The following LAMB1 variants were observed in gnomAD, a reference collection of about 807,000 sequenced individuals.
LAMB1 encodes laminin subunit beta 1.
LAMB1 carries 121 observed loss-of-function variants against 222.3 expected under a neutral mutation model. The ratio of observed to expected loss-of-function variants is 0.54; its 90% confidence interval spans 0.47 to 0.63. The LOEUF is 0.63. Among genes scored for constraint, LAMB1 ranks in the 30% least tolerant of loss-of-function variants. The pLI is 0.00. For synonymous variants in LAMB1, 794 were observed against 807.2 expected, an observed-to-expected ratio of 0.98 and a Z score of 0.28; for missense variants, 2,172 against 2,240.8, an observed-to-expected ratio of 0.97 and a Z score of 0.62.
At chr7:107,964,055 C>A (rs912036576) in intron 14 of LAMB1, among the ~76,000 whole-genome samples, 2 of 152,192 alleles carry the variant, frequency 1.3e-5, no homozygotes, top group African/African-American at 4.8e-5. Flanking sequence ...TGAGATAGTG[C>A]CACTGCACTC....
intron 8 of LAMB1, 85 bp from the exon 9 acceptor site, chr7:107,978,252 C>T: frequency 6.8e-7 from 1 of 1,465,534 alleles, no homozygotes; most frequent in Non-Finnish European, 9.4e-7. Context: ...AAGTTTAAAA[C>T]CCTTTTTCAT....
intron 13 of LAMB1, among the ~76,000 whole-genome samples, chr7:107,970,525 C>CTT (rs2033727981): frequency 6.8e-6 from 1 of 147,768 alleles, no homozygotes; most frequent in Non-Finnish European, 1.5e-5. Flanking sequence ...GGGCTTCAAG[C>CTT]CAGATATGAA....
intron 32 of LAMB1, among the ~76,000 whole-genome samples, chr7:107,924,713 A>G (rs1198102153): frequency 6.6e-6 from 1 of 152,210 alleles, no homozygotes; most frequent in Non-Finnish European, 1.5e-5. Context: ...TCAAAAGTAG[A>G]TTAGACATTA....
At chr7:107,972,855 T>C (rs138172862) in intron 13 of LAMB1, 137 bp downstream of exon 13, 34 of 692,572 alleles carry the variant, frequency 4.9e-5, no homozygotes, top group Non-Finnish European at 7.7e-5. Flanking sequence ...TCCATAGAGG[T>C]ACCTACACAC....
At chr7:107,965,439 C>T (rs190389737) in intron 13 of LAMB1, among the ~76,000 whole-genome samples, 2 of 152,100 alleles carry the variant, frequency 1.3e-5, no homozygotes, top group Admixed American at 6.5e-5. Context: ...ATTAGCTGGG[C>T]GTGGTGGCGC....
At chr7:107,989,894 A>G (rs2034147791) in intron 5 of LAMB1, among the ~76,000 whole-genome samples, 1 of 152,336 alleles carries the variant, frequency 6.6e-6, no homozygotes, top group Admixed American at 6.5e-5. Context: ...GCTGGAAACC[A>G]GAACAACACA....
chr7:107,936,379 A>C (rs1033403391), intron 26 of LAMB1: 1 of 152,112 alleles, frequency 6.6e-6, no homozygotes, highest in Non-Finnish European at 1.5e-5. Flanking sequence ...CATCTCTTAA[A>C]GAAAGAAAGA....
chr7:107,956,123 CTGATCTCAGG>C (rs1416398172), intron 20 of LAMB1, among the ~76,000 whole-genome samples: 1 of 151,942 alleles, frequency 6.6e-6, no homozygotes, highest in South Asian at 2.1e-4. Flanking sequence ...TCTTGAACTC[CTGATCTCAGG>C]TGATCCACCC....
At chr7:107,993,687 C>T (rs886266165) in intron 5 of LAMB1, among the ~76,000 whole-genome samples, 7 of 152,176 alleles carry the variant, frequency 4.6e-5, no homozygotes, top group African/African-American at 1.4e-4. Flanking sequence ...TCAGGTGTCA[C>T]ATAACATAAA....
intron 20 of LAMB1, among the ~76,000 whole-genome samples, chr7:107,956,058 G>T (rs539592159): frequency 3.7e-4 from 57 of 152,246 alleles, no homozygotes; most frequent in Admixed American, 1.0e-3. Flanking sequence ...CACCATGCCC[G>T]GCTAATTTTT....
At chr7:107,968,897 A>G (rs752428129) in intron 13 of LAMB1, among the ~76,000 whole-genome samples, 1 of 152,234 alleles carries the variant, frequency 6.6e-6, no homozygotes, top group African/African-American at 2.4e-5. Flanking sequence ...ATATTGTTTT[A>G]AACAACCAAA....
intron 30 of LAMB1, 25 bp from the exon 31 acceptor site, chr7:107,929,230 A>G (rs1441677904): frequency 6.2e-7 from 1 of 1,612,612 alleles, no homozygotes; most frequent in Non-Finnish European, 8.5e-7. Flanking sequence ...ATGAGACAGT[A>G]TATTGTTGCT....
intron 10 of LAMB1, 81 bp from the exon 11 acceptor site, chr7:107,975,494 C>T: frequency 1.5e-6 from 2 of 1,377,790 alleles, no homozygotes; most frequent in South Asian, 1.5e-5. Flanking sequence ...TTCCCTTCCT[C>T]CCTCTAAATC....
intron 2 of LAMB1, chr7:108,002,228 C>A (rs913786418): frequency 2.2e-6 from 3 of 1,338,800 alleles, no homozygotes; most frequent in Non-Finnish European, 3.0e-6. Context: ...CGTGTGCGTG[C>A]ACGCGCGAGG....
chr7:108,001,780 T>C lies in LAMB1; in HGVS notation c.38-47A>G, dbSNP rs552621533. On this transcript the variant is annotated intron_variant, in intron 2 of 33. Transcript: ENST00000222399. ...GAGTTGGGGGGACACAAGCAGGGAG[T>C]GGAGCCCGAAAAAAACGAACAAGCG... is the stretch of plus-strand genomic sequence containing the variant. The C allele has an allele frequency of 4.6e-5, 73 of 1,582,116 alleles. 1 individual carries two copies. The South Asian group carries it at 8.2e-4, about 18-fold the overall frequency.
At position 107,996,995 on chromosome 7, in the gene LAMB1, G is replaced by A. The variant is rs73726667; in HGVS notation, c.349+1362C>T. ...GAAGTATCAACCAAAATATGCCCCCGTAAGAATGAACATGGCTCTAAATGA... is the reference window on the plus strand; with the variant it reads ...GAAGTATCAACCAAAATATGCCCCCATAAGAATGAACATGGCTCTAAATGA... On this transcript the variant is annotated intron_variant, in intron 4 of 33. Transcript: ENST00000222399. 5.1e-3 allele frequency among the ~76,000 whole-genome samples: 779 copies of A among 152,272 alleles called. 12 individuals are homozygous for A. Among genetic ancestry groups the A allele is most frequent in the African/African-American group, 0.018 (736 of 41,548 alleles).
At position 108,001,814 on chromosome 7, in the gene LAMB1, G is replaced by C. The variant is rs73422851; in HGVS notation, c.38-81C>G. The C allele has an allele frequency of 6.5e-3, 10,205 of 1,573,428 alleles. 343 individuals carry two copies. In the African/African-American group the frequency reaches 0.082, roughly 13 times the overall value. Reference sequence around the variant, plus strand: ...AAAAAAACGAACAAGCGGGGGCGGGGGAGTGGGTGCGGAGAGAGGACAGTC... The same window carrying C: ...AAAAAAACGAACAAGCGGGGGCGGGCGAGTGGGTGCGGAGAGAGGACAGTC... On this transcript the variant is annotated intron_variant, in intron 2 of 33. Coordinates refer to ENST00000222399, the MANE Select transcript of LAMB1 (RefSeq NM_002291.3).
In LAMB1 at chr7:107,975,110, C is replaced by T; in HGVS notation, c.1370-12G>A. 1.3e-6 allele frequency: 2 copies of T among 1,580,918 alleles called. No individual in the cohort carries two copies. The highest frequency in any genetic ancestry group is 2.2e-5 in the East Asian group (1 of 44,712). Reference sequence around the variant, plus strand: ...ATTGCAAGCACAAGCTGTATTAAAACAAAATGAAGTGGAGAAACACAGACC... The same window carrying T: ...ATTGCAAGCACAAGCTGTATTAAAATAAAATGAAGTGGAGAAACACAGACC... On this transcript the variant is annotated splice_polypyrimidine_tract_variant and intron_variant, in intron 11 of 33. Transcript: ENST00000222399.
chr7:107,994,258 T>A (rs2034240075), intron 5 of LAMB1, among the ~76,000 whole-genome samples: 1 of 152,000 alleles, frequency 6.6e-6, no homozygotes, highest in Non-Finnish European at 1.5e-5. Flanking sequence ...AGTTCTGGAG[T>A]CATTTTACAT....
Sources: gnomAD v4.1 joint callset for allele counts (sites outside exome capture counted in the v4.1 genomes callset) on GRCh38, gnomAD v4.1.1 for gene constraint, MANE v1.5 for transcripts, NCBI Gene and HGNC (gene_info 2026-07-23, HGNC 2026-07-21) for gene names.